Variants in IL17RD observed in about 807,000 individuals in gnomAD.
The protein encoded by IL17RD is interleukin-17 receptor D.
IL17RD carries 52 observed loss-of-function variants against 80.5 expected under a neutral mutation model. The ratio of observed to expected loss-of-function variants is 0.65; its 90% CI spans 0.52 to 0.81. IL17RD has a LOEUF of 0.81. IL17RD is among the 40% of genes least tolerant of loss of function. The pLI is 0.00. For synonymous variants in IL17RD, 416 were observed against 391.8 expected (o/e 1.06, Z -0.73); for missense variants, 1,024 against 955.1 (o/e 1.07, Z -0.95).
chr3:57,160,750 C>T (rs2060298455), intron 1 of IL17RD, among the ~76,000 whole-genome samples: 1 of 152,156 alleles, frequency 6.6e-6, no homozygotes, highest in Non-Finnish European at 1.5e-5. Flanking sequence ...TTGTGGGACC[C>T]CTGTCCCCTA....
chr3:57,146,043 G>GCA (rs1329579530), intron 1 of IL17RD, among the ~76,000 whole-genome samples: 60 of 140,708 alleles, frequency 4.3e-4, no homozygotes, highest in South Asian at 1.5e-3. Context: ...GCGCGCGCGC[G>GCA]CGCACACACA....
chr3:57,105,989 C>T lies in IL17RD; in HGVS notation c.615G>A (p.Leu205=). The T allele has an allele frequency of 6.2e-7, 1 of 1,613,852 alleles. No individual in the cohort carries two copies. The highest frequency in any genetic ancestry group is 8.5e-7 in the Non-Finnish European group (1 of 1,179,832). ...ACKPFWKPRN[L]NISQHGSDMQ... ...TGTCCGAGCCATGCTGGCTGATGTT[C>T]AGGTTCCGAGGCTTCCAGACTGGAA... Residue 205 remains leucine (L), a synonymous_variant, in exon 7 of 13, where the codon CTG becomes CTA. Transcript: ENST00000296318.
rs1707043247 is a variant in IL17RD, at chr3:57,109,473, G to C, written c.550+64C>G. 3 of 1,573,424 alleles carry C rather than the reference G, an allele frequency of 1.9e-6. No homozygotes were observed. In the East Asian group the frequency reaches 6.7e-5, roughly 35 times the overall value. The stretch of plus-strand genomic sequence containing the variant: ...GCACGTTCTTGAACACATTTCTGTA[G>C]AAAAATCATTAAAAGCGGAGAAAAG... On this transcript the variant is annotated intron_variant, in intron 5 of 12. Coordinates refer to ENST00000296318, the MANE Select transcript of IL17RD (RefSeq NM_017563.5).
chr3:57,152,927 C>T (rs2060238225), intron 1 of IL17RD, among the ~76,000 whole-genome samples: 1 of 152,142 alleles, frequency 6.6e-6, no homozygotes, highest in African/African-American at 2.4e-5. Context: ...AAGCAGTCAA[C>T]CGTAAACCTG....
chr3:57,163,378 G>C lies in IL17RD; in HGVS notation c.126+1783C>G, dbSNP rs999442522. Among the ~76,000 whole-genome samples the C allele has an allele frequency of 2.0e-4, 31 of 152,228 alleles. 1 individual carries two copies. The highest frequency in any genetic ancestry group is 1.2e-3 in the South Asian group (6 of 4,810). On this transcript the variant is annotated intron_variant, in intron 1 of 12. Coordinates refer to ENST00000296318, the MANE Select transcript of IL17RD (RefSeq NM_017563.5). ...ATTTTATGAGGGTGCAGGTTTGGGA[G>C]AGGAGAACACACTCGCACAGGTAGA...
In IL17RD at chr3:57,097,639, TTC is replaced by T; in HGVS notation, c.2062_2063del (p.Glu688AsnfsTer16). On this transcript the variant is annotated frameshift_variant, in exon 12 of 13. Transcript: ENST00000296318. LOFTEE classifies it high-confidence loss of function. ...ACACGCTCTCCGTCAGGGAAGACGT[TTC>T]TGTCTGGTCCGTCGAGAGTCCTTCC... ...LMEGLSTDQTETSSLTESVSS... is the reference protein window; with the variant it reads ...LMEGLSTDQTXTSSLTESVSS... 2 of 1,595,176 alleles carry T rather than the reference TTC, an allele frequency of 1.3e-6. No homozygotes were observed. The highest frequency in any genetic ancestry group is 8.5e-7 in the Non-Finnish European group (1 of 1,171,354).
chr3:57,109,370 C>T (rs1707039651), intron 5 of IL17RD, among the ~76,000 whole-genome samples, 167 bp downstream of exon 5: 2 of 152,008 alleles, frequency 1.3e-5, no homozygotes, highest in Non-Finnish European at 2.9e-5. Flanking sequence ...TGGTCTCGAA[C>T]TCCTGACCTT....
intron 1 of IL17RD, among the ~76,000 whole-genome samples, chr3:57,137,044 G>A (rs770358042): frequency 1.3e-5 from 2 of 152,192 alleles, no homozygotes; most frequent in Non-Finnish European, 2.9e-5. Context: ...AAGCTTTGGG[G>A]TTGCGGAGGG....
chr3:57,165,316 T>C lies in IL17RD; in HGVS notation c.-30A>G, dbSNP rs2060340980. ...GTGCGCTCGCCCAGCCAGGCCGTTC[T>C]CTGCGCCCCGGCCGCCCGCCGCTGG... On this transcript the variant is annotated 5_prime_UTR_variant, in exon 1 of 13. Coordinates refer to ENST00000296318, the MANE Select transcript of IL17RD (RefSeq NM_017563.5). 5 of 1,342,680 alleles carry C rather than the reference T, an allele frequency of 3.7e-6. No individual in the cohort carries two copies. The highest frequency in any genetic ancestry group is 4.8e-6 in the Non-Finnish European group (5 of 1,042,666). 83.2% of individuals were successfully genotyped at this position (1,342,680 alleles called of 1,614,324 possible). A position where few individuals can be genotyped will look rare whatever the true frequency, so the allele number is the denominator to read the frequency against.
At chr3:57,151,152 A>G (rs904153334) in intron 1 of IL17RD, among the ~76,000 whole-genome samples, 6 of 152,200 alleles carry the variant, frequency 3.9e-5, no homozygotes, top group African/African-American at 1.4e-4. Context: ...CCCCTAGACC[A>G]TAAGATTGAA....
chr3:57,115,209 C>T (rs1202368712), intron 2 of IL17RD, among the ~76,000 whole-genome samples: 1 of 152,108 alleles, frequency 6.6e-6, no homozygotes, highest in African/African-American at 2.4e-5. Context: ...CGCTAAATAA[C>T]TTGGGCATTG....
chr3:57,164,574 G>T (rs543942799), intron 1 of IL17RD, among the ~76,000 whole-genome samples: 22 of 152,354 alleles, frequency 1.4e-4, no homozygotes, highest in African/African-American at 5.3e-4. Flanking sequence ...GAACCGGGAG[G>T]CGAAGTTTCT....
At chr3:57,133,786 T>G (rs904550245) in intron 1 of IL17RD, among the ~76,000 whole-genome samples, 5 of 152,178 alleles carry the variant, frequency 3.3e-5, no homozygotes, top group African/African-American at 1.2e-4. Context: ...TTTCCACCCC[T>G]GATGAAGTGG....
upstream of IL17RD, chr3:57,165,382 A>T: frequency 9.3e-7 from 1 of 1,071,758 alleles, no homozygotes; most frequent in Non-Finnish European, 1.2e-6. Flanking sequence ...CCGCGGCGGC[A>T]GCGAAGGGGA....
intron 3 of IL17RD, among the ~76,000 whole-genome samples, chr3:57,111,512 T>A (rs1367652466): frequency 6.6e-6 from 1 of 152,152 alleles, no homozygotes. Flanking sequence ...AACAACTATT[T>A]TAGATCTCGC....
chr3:57,125,884 AGTCCTT>A (rs1707449704), intron 1 of IL17RD, among the ~76,000 whole-genome samples: 1 of 152,256 alleles, frequency 6.6e-6, no homozygotes, highest in African/African-American at 2.4e-5. Flanking sequence ...CCTGACACAT[AGTCCTT>A]GATAAGTATA....
chr3:57,103,265 G>T, intron 8 of IL17RD, 120 bp from the exon 9 acceptor site: 1 of 793,506 alleles, frequency 1.3e-6, no homozygotes, highest in Non-Finnish European at 2.1e-6. Flanking sequence ...GGGGTGGGAA[G>T]CAAGCAGTGG....
chr3:57,116,099 C>CT (rs1319298483), intron 2 of IL17RD, among the ~76,000 whole-genome samples: 2 of 151,880 alleles, frequency 1.3e-5, no homozygotes, highest in Non-Finnish European at 2.9e-5. Context: ...TAATATTCCT[C>CT]TTTTTAAATG....
At chr3:57,116,541 T>A (rs1485627070) in intron 2 of IL17RD, among the ~76,000 whole-genome samples, 1 of 152,110 alleles carries the variant, frequency 6.6e-6, no homozygotes, top group South Asian at 2.1e-4. Context: ...CACCTTGGCC[T>A]CCCAAGGTGC....
Sources: allele counts gnomAD v4.1 joint callset (sites outside exome capture counted in the v4.1 genomes callset), GRCh38; gene constraint gnomAD v4.1.1; transcripts MANE v1.5; gene names NCBI Gene and HGNC (gene_info 2026-07-23, HGNC 2026-07-21).